CHTF18: variants seen among roughly 807,000 people sequenced by gnomAD.
CHTF18 encodes the protein chromosome transmission fidelity protein 18 homolog.
A neutral mutation model predicts 113.4 loss-of-function variants in CHTF18; 151 were observed. The observed-to-expected ratio is 1.33, with a 90% confidence interval of 1.17 to 1.52. CHTF18 has a LOEUF of 1.52. CHTF18 is among the 40% of genes most tolerant of loss of function. The probability of loss-of-function intolerance (pLI) is 0.00; values close to 1 mark genes in which losing one functional copy is unlikely to be tolerated. For missense variants in CHTF18, 1,982 were observed against 1,381.6 expected, an observed-to-expected ratio of 1.43 and a Z score of -6.89; for synonymous variants, 916 against 598.8, an observed-to-expected ratio of 1.53 and a Z score of -7.74.
chr16:794,003 C>T lies in CHTF18; in HGVS notation c.1803-51C>T. The T allele has an allele frequency of 5.7e-6, 9 of 1,577,592 alleles. No individual in the cohort carries two copies. In the South Asian group the frequency reaches 9.1e-5, roughly 16 times the overall value. ...GAGTGTCCCGGGGAGACGGGTGGGGCTGCCTGTGCTTTTAACACGGGTCCA... is the reference window on the plus strand; with the variant it reads ...GAGTGTCCCGGGGAGACGGGTGGGGTTGCCTGTGCTTTTAACACGGGTCCA... On this transcript the variant is annotated intron_variant, in intron 14 of 21. Transcript: ENST00000262315.
Position 796,947 on chromosome 16 carries a change from C to A in CHTF18, c.2602-14C>A. ...CCCTGTGTGGCCAGATCTCACAATG[C>A]CTGCTCCCTACAGGTGGATGGGAGC... On this transcript the variant is annotated splice_polypyrimidine_tract_variant and intron_variant, in intron 19 of 21. Coordinates refer to ENST00000262315, the MANE Select transcript of CHTF18 (RefSeq NM_022092.3). 6.5e-7 allele frequency: 1 copy of A among 1,528,910 alleles called. No homozygotes were observed. The highest frequency in any genetic ancestry group is 2.0e-5 in the Admixed American group (1 of 50,536). 94.7% of individuals were successfully genotyped at this position (1,528,910 alleles called of 1,614,324 possible). A position where few individuals can be genotyped will look rare whatever the true frequency, so the allele number is the denominator to read the frequency against.
chr16:795,195 G>A lies in CHTF18; in HGVS notation c.2014G>A (p.Ala672Thr), dbSNP rs750572905. 357 of 1,558,354 alleles carry A rather than the reference G, an allele frequency of 2.3e-4. No individual in the cohort carries two copies. The highest frequency in any genetic ancestry group is 3.0e-4 in the Non-Finnish European group (346 of 1,151,386). ...CTCCAGCCTGGGTGCTGTGTGTGTG[G>A]CCCTCGACTGGCTGGCCTTCGATGA... Reference protein sequence around the residue: ...RDSSLGAVCVALDWLAFDDLL... With the variant: ...RDSSLGAVCVTLDWLAFDDLL... Residue 672 changes from alanine (A) to threonine (T), a missense_variant, in exon 16 of 22, where the codon GCC becomes ACC. Coordinates refer to ENST00000262315, the MANE Select transcript of CHTF18 (RefSeq NM_022092.3).
chr16:795,119 C>T lies in CHTF18; in HGVS notation c.1951-13C>T, dbSNP rs1017368311. Reference sequence around the variant, plus strand: ...GGGTGGGCAGGAGCTCAGGGGTTGCCGGCCGCCTGCAGGGCTTGTTTGACA... The same window carrying T: ...GGGTGGGCAGGAGCTCAGGGGTTGCTGGCCGCCTGCAGGGCTTGTTTGACA... On this transcript the variant is annotated splice_polypyrimidine_tract_variant and intron_variant, in intron 15 of 21. Transcript: ENST00000262315. The T allele has an allele frequency of 1.3e-5, 20 of 1,535,856 alleles. No individual in the cohort carries two copies. Among genetic ancestry groups the T allele is most frequent in the Admixed American group, 4.0e-5 (2 of 50,608 alleles).
chr16:793,982 G>A (rs1237015005), intron 14 of CHTF18, 72 bp from the exon 15 acceptor site: 12 of 1,537,516 alleles, frequency 7.8e-6, no homozygotes, highest in Non-Finnish European at 9.7e-6. Context: ...GCCTCTGAGT[G>A]TCCCGGGGAG....
chr16:796,688 C>A, intron 18 of CHTF18, 29 bp from the exon 19 acceptor site: 1 of 1,561,870 alleles, frequency 6.4e-7, no homozygotes, highest in Non-Finnish European at 8.6e-7. Context: ...CCCCGCTGAC[C>A]TGCCCTGGTG....
intron 4 of CHTF18, 101 bp downstream of exon 4, chr16:789,816 G>T (rs1708906622): frequency 5.0e-6 from 7 of 1,403,332 alleles, no homozygotes; most frequent in African/African-American, 1.4e-5. Flanking sequence ...AGCGGGTCCT[G>T]TGCAGAGCCC....
chr16:790,789 T>A, intron 7 of CHTF18, 123 bp downstream of exon 7: 4 of 1,436,782 alleles, frequency 2.8e-6, no homozygotes, highest in Non-Finnish European at 3.6e-6. Flanking sequence ...GGCTCTGGTT[T>A]GCCCTTTTGA....
intron 15 of CHTF18, chr16:794,857 C>G (rs1596765803): frequency 4.1e-6 from 2 of 487,058 alleles, no homozygotes; most frequent in South Asian, 2.4e-5. Context: ...GGGTCACCCC[C>G]TCGTGTCAGT....
At position 798,013 on chromosome 16, in the gene CHTF18, G is replaced by T. The variant is rs28396288; in HGVS notation, c.*38G>T. 3 of 1,588,730 alleles carry T rather than the reference G, an allele frequency of 1.9e-6. No individual in the cohort carries two copies. Among genetic ancestry groups the T allele is most frequent in the Non-Finnish European group, 2.6e-6 (3 of 1,166,878 alleles). ...CGGACATGCCCTCGCATTGCTTCCC[G>T]CAGAGTGCAGAGACAGGAAGCTGGA... On this transcript the variant is annotated 3_prime_UTR_variant, in exon 22 of 22. Transcript: ENST00000262315.
At position 797,896 on chromosome 16, in the gene CHTF18, G is replaced by A. The variant is rs1025617177; in HGVS notation, c.2849G>A (p.Arg950Lys). The A allele has an allele frequency of 1.9e-6, 3 of 1,611,320 alleles. No individual in the cohort carries two copies. In the African/African-American group the frequency reaches 4.0e-5, roughly 22 times the overall value. Residue 950 changes from arginine to lysine, a missense_variant, in exon 22 of 22, where the codon AGG becomes AAG. Transcript: ENST00000262315. ...CGGCGCATGGGCACAGCGGTGGGCA[G>A]GAGCGAGGTCTGGTTCCGCTTCAAC... ...VERRMGTAVGRSEVWFRFNEG... is the reference protein window; with the variant it reads ...VERRMGTAVGKSEVWFRFNEG...
intron 14 of CHTF18, chr16:793,677 G>A: frequency 1.7e-6 from 1 of 589,118 alleles, no homozygotes; most frequent in Non-Finnish European, 3.2e-6. Flanking sequence ...GCATGTCTCT[G>A]TCCTGACGTG....
In CHTF18 at chr16:796,580, C is replaced by T. The variant is rs548971121; in HGVS notation, c.2457-137C>T. On this transcript the variant is annotated intron_variant, in intron 18 of 21. Transcript: ENST00000262315. ...ACCTGGCTGCCGCAGGGTTGGGGTG[C>T]GGTGGCACCAGGACTCAGCCCCACA... 124 of 1,029,894 alleles carry T rather than the reference C, an allele frequency of 1.2e-4. 1 individual carries two copies. Among genetic ancestry groups the T allele is most frequent in the African/African-American group, 7.8e-4 (48 of 61,414 alleles). 63.8% of individuals were successfully genotyped at this position (1,029,894 alleles called of 1,614,324 possible).
In CHTF18 at chr16:789,311, A is replaced by C. The variant is rs572997501; in HGVS notation, c.388A>C (p.Ile130Leu). Residue 130 changes from isoleucine to leucine, a missense_variant, in exon 3 of 22, where the codon ATC becomes CTC. Coordinates refer to ENST00000262315, the MANE Select transcript of CHTF18 (RefSeq NM_022092.3). ...CCCTCCCGACTCCTCGCCGACGGAC[A>C]TCACCCCGCCGCCGAGCCCTGAGGA... is the stretch of plus-strand genomic sequence containing the variant. The part of the protein sequence containing the change: ...PPPPDSSPTD[I>L]TPPPSPEDLA... 2.2e-5 allele frequency: 36 copies of C among 1,600,814 alleles called. No homozygotes were observed. In the East Asian group the frequency reaches 6.6e-4, roughly 29 times the overall value.
chr16:793,406 C>G, intron 14 of CHTF18, 132 bp downstream of exon 14: 1 of 1,135,260 alleles, frequency 8.8e-7, no homozygotes, highest in Non-Finnish European at 1.2e-6. Flanking sequence ...CCTGGTCCAG[C>G]CTCCAGGGCC....
chr16:790,208 G>A lies in CHTF18; in HGVS notation c.638G>A (p.Gly213Asp), dbSNP rs766146092. ...CTCCTCCACGTCCCATGGCGAGGCGGTGGCCAGCTGGACCTGCTGGGTGTG... is the reference window on the plus strand; with the variant it reads ...CTCCTCCACGTCCCATGGCGAGGCGATGGCCAGCTGGACCTGCTGGGTGTG... ...GSLLHVPWRG[G>D]GQLDLLGVSL... Residue 213 changes from glycine (G) to aspartate (D), a missense_variant, in exon 5 of 22, where the codon GGT (glycine) becomes GAT (aspartate). Physicochemically the swap from Gly to Asp is moderately conservative, Grantham distance 94. Coordinates refer to ENST00000262315, the MANE Select transcript of CHTF18 (RefSeq NM_022092.3). 1 of 1,604,860 alleles carries A rather than the reference G, an allele frequency of 6.2e-7. No individual in the cohort carries two copies. The highest frequency in any genetic ancestry group is 1.1e-5 in the South Asian group (1 of 89,466).
intron 11 of CHTF18, 56 bp downstream of exon 11, chr16:792,646 G>A: frequency 6.3e-7 from 1 of 1,591,448 alleles, no homozygotes; most frequent in Non-Finnish European, 8.5e-7. Flanking sequence ...TGGAGGGAGG[G>A]TTCCGGCCCG....
intron 9 of CHTF18, 71 bp downstream of exon 9, chr16:792,019 A>G (rs1268637526): frequency 6.4e-7 from 1 of 1,553,536 alleles, no homozygotes; most frequent in Non-Finnish European, 8.7e-7. Flanking sequence ...GGCGGACCTG[A>G]AACCGGGTGT....
chr16:794,170 C>T lies in CHTF18; in HGVS notation c.1919C>T (p.Ala640Val), dbSNP rs375810627. The T allele has an allele frequency of 7.4e-6, 12 of 1,612,254 alleles. No individual in the cohort carries two copies. Among genetic ancestry groups the T allele is most frequent in the Non-Finnish European group, 9.3e-6 (11 of 1,179,578 alleles). ...TTCTACCGTGTCCTGCATGCCGCTG[C>T]CTCTGCGGGCGAGCACGAGAAGGTG... ...QRFYRVLHAA[A>V]SAGEHEKVVQ... The change falls in exon 15 of 22, where the codon GCC becomes GTC. Residue 640 changes from alanine (A) to valine (V), a missense_variant. Coordinates refer to ENST00000262315, the MANE Select transcript of CHTF18 (RefSeq NM_022092.3).
chr16:797,784 G>T (rs2042396881), intron 21 of CHTF18, 33 bp downstream of exon 21: 2 of 1,258,732 alleles, frequency 1.6e-6, no homozygotes, highest in Non-Finnish European at 2.2e-6. Flanking sequence ...GTTGTGGGGG[G>T]CCTGGGGGTT....
Sources: gnomAD v4.1 joint callset for allele counts on GRCh38, gnomAD v4.1.1 for gene constraint, MANE v1.5 for transcripts, NCBI Gene and HGNC (gene_info 2026-07-23, HGNC 2026-07-21) for gene names.